The following ARHGAP10 variants were observed in gnomAD, a reference collection of about 807,000 sequenced individuals.
The protein encoded by ARHGAP10 is rho GTPase-activating protein 10.
In ARHGAP10, 87 loss-of-function variants were observed where a neutral mutation model predicts 108.6. The observed-to-expected ratio is 0.80, with a 90% CI of 0.67 to 0.96. ARHGAP10 has a LOEUF of 0.96. Ranked by LOEUF, ARHGAP10 falls within the 40% of genes least tolerant of loss-of-function variation. ARHGAP10 has a pLI of 0.00. For missense variants in ARHGAP10, 939 were observed against 954.5 expected (o/e 0.98, Z 0.21); for synonymous variants, 347 against 341.1 (o/e 1.02, Z -0.19).
intron 13 of ARHGAP10, among the ~76,000 whole-genome samples, chr4:147,917,622 T>G (rs1230093837): frequency 6.6e-6 from 1 of 152,222 alleles, no homozygotes; most frequent in Non-Finnish European, 1.5e-5. Context: ...CATTTTAACT[T>G]AAGAGTTTCA....
intron 13 of ARHGAP10, among the ~76,000 whole-genome samples, chr4:147,923,503 A>G (rs1737330833): frequency 6.6e-6 from 1 of 152,240 alleles, no homozygotes; most frequent in Non-Finnish European, 1.5e-5. Flanking sequence ...CTCTTAAAAA[A>G]TCTTCCATAT....
chr4:147,869,996 G>GTTTTTTT (rs10644018), intron 7 of ARHGAP10, among the ~76,000 whole-genome samples: 3 of 131,490 alleles, frequency 2.3e-5, no homozygotes, highest in African/African-American at 9.2e-5. Context: ...AAAAGTCCCA[G>GTTTTTTT]TTTGTGTGTG....
chr4:147,969,769 A>G (rs1739337847), intron 18 of ARHGAP10, among the ~76,000 whole-genome samples: 1 of 152,258 alleles, frequency 6.6e-6, no homozygotes. Context: ...TAGTTACAGC[A>G]GACGAAAGTG....
chr4:147,954,047 T>C (rs1738702962), intron 15 of ARHGAP10, among the ~76,000 whole-genome samples: 1 of 152,066 alleles, frequency 6.6e-6, no homozygotes, highest in Admixed American at 6.6e-5. Context: ...GTTTTTGTTG[T>C]AATCAAAAAA....
chr4:147,839,090 TCGTA>T (rs1168812289), intron 3 of ARHGAP10, among the ~76,000 whole-genome samples: 3 of 146,606 alleles, frequency 2.0e-5, no homozygotes, highest in African/African-American at 7.7e-5. Context: ...TTTAGATCTA[TCGTA>T]TCTATCTATC....
At chr4:147,969,768 C>G (rs1321729560) in intron 18 of ARHGAP10, among the ~76,000 whole-genome samples, 1 of 152,212 alleles carries the variant, frequency 6.6e-6, no homozygotes, top group Non-Finnish European at 1.5e-5. Context: ...ATAGTTACAG[C>G]AGACGAAAGT....
At chr4:147,780,253 C>G (rs1306767440) in intron 1 of ARHGAP10, among the ~76,000 whole-genome samples, 1 of 152,126 alleles carries the variant, frequency 6.6e-6, no homozygotes, top group Non-Finnish European at 1.5e-5. Context: ...AGAGCTGGTC[C>G]CGTGTCTGGA....
intron 18 of ARHGAP10, among the ~76,000 whole-genome samples, chr4:147,988,159 A>G (rs1164130711): frequency 2.0e-5 from 3 of 150,900 alleles, no homozygotes; most frequent in Non-Finnish European, 4.4e-5. Flanking sequence ...TTAGGAAAAC[A>G]GATGGAGCGT....
Position 148,063,140 on chromosome 4 carries a change from AC to A in ARHGAP10, c.2028-5del, listed in dbSNP as rs1229703784. The A allele has an allele frequency of 3.1e-6, 5 of 1,613,808 alleles. No homozygotes were observed. The Admixed American group carries it at 8.3e-5, about 27-fold the overall frequency. On this transcript the variant is annotated splice_polypyrimidine_tract_variant and splice_region_variant and intron_variant, in intron 20 of 22. Transcript: ENST00000336498. ...TATTAATCCTGTCCTTCAAACTCCT[AC>A]CCTTAGCCCAGGCCAGACCCGATCG...
chr4:148,049,126 C>T (rs1221180696), intron 20 of ARHGAP10, among the ~76,000 whole-genome samples: 1 of 151,834 alleles, frequency 6.6e-6, no homozygotes, highest in East Asian at 1.9e-4. Flanking sequence ...CCAGATTTGT[C>T]ATTATGTTAG....
chr4:147,840,612 C>T (rs1477047412), intron 3 of ARHGAP10, among the ~76,000 whole-genome samples: 1 of 152,194 alleles, frequency 6.6e-6, no homozygotes, highest in African/African-American at 2.4e-5. Context: ...CAATTTGTGG[C>T]TCCATTGGCT....
intron 18 of ARHGAP10, among the ~76,000 whole-genome samples, chr4:148,015,545 G>C (rs953832034): frequency 2.0e-5 from 3 of 152,206 alleles, no homozygotes; most frequent in Admixed American, 6.5e-5. Context: ...TTTACTGTCA[G>C]ACCCTGTCGT....
chr4:148,062,628 T>G (rs1479885982), intron 20 of ARHGAP10, among the ~76,000 whole-genome samples: 1 of 152,172 alleles, frequency 6.6e-6, no homozygotes, highest in Non-Finnish European at 1.5e-5. Context: ...CACCAGAAGT[T>G]TTTGCTGTTC....
intron 18 of ARHGAP10, among the ~76,000 whole-genome samples, chr4:148,020,807 C>A (rs1741540651): frequency 6.6e-6 from 1 of 152,066 alleles, no homozygotes; most frequent in Admixed American, 6.6e-5. Flanking sequence ...TGGGTATATA[C>A]CCAGTAATGG....
intron 12 of ARHGAP10, among the ~76,000 whole-genome samples, chr4:147,910,103 G>T (rs1428827524): frequency 2.6e-5 from 4 of 152,054 alleles, no homozygotes; most frequent in Admixed American, 1.3e-4. Flanking sequence ...AACCTCCTGG[G>T]CTCAAGTGAT....
intron 10 of ARHGAP10, among the ~76,000 whole-genome samples, chr4:147,888,412 A>G (rs545332179): frequency 5.5e-4 from 83 of 152,254 alleles, no homozygotes; most frequent in African/African-American, 1.8e-3. Context: ...AAGTTTTCCA[A>G]TAAGTCTTGG....
chr4:147,957,781 C>T (rs891080540), intron 16 of ARHGAP10, among the ~76,000 whole-genome samples: 5 of 152,152 alleles, frequency 3.3e-5, no homozygotes, highest in East Asian at 1.9e-4. Flanking sequence ...TGTGAACCTC[C>T]GTGTTAATTT....
chr4:148,066,200 C>G (rs1038290541), intron 22 of ARHGAP10, among the ~76,000 whole-genome samples: 3 of 152,186 alleles, frequency 2.0e-5, no homozygotes, highest in African/African-American at 4.8e-5. Flanking sequence ...TGGCCACACT[C>G]TGGCGGAAGG....
At chr4:147,922,713 A>G (rs1408849685) in intron 13 of ARHGAP10, among the ~76,000 whole-genome samples, 2 of 146,598 alleles carry the variant, frequency 1.4e-5, no homozygotes, top group Non-Finnish European at 3.0e-5. Context: ...AAAAAATTTT[A>G]TTCATACTAC....
Sources: allele counts gnomAD v4.1 joint callset (sites outside exome capture counted in the v4.1 genomes callset), GRCh38; gene constraint gnomAD v4.1.1; transcripts MANE v1.5; gene names NCBI Gene and HGNC (gene_info 2026-07-23, HGNC 2026-07-21).